Variants in GNB1L observed in about 807,000 individuals in gnomAD.
The protein encoded by GNB1L is G protein subunit beta 1 like.
Under a neutral mutation model 29.1 loss-of-function variants are expected in GNB1L, and 20 were observed. The observed-to-expected ratio is 0.69, with a 90% CI of 0.48 to 1.00. The LOEUF is 1.00. Ranked by LOEUF, GNB1L falls within the 50% of genes least tolerant of loss-of-function variation. The pLI, the probability that GNB1L is intolerant of heterozygous loss-of-function variation, is 0.00. For missense variants in GNB1L, 421 were observed against 464.9 expected, an observed-to-expected ratio of 0.91 and a Z score of 0.87; for synonymous variants, 193 against 206.5, an observed-to-expected ratio of 0.93 and a Z score of 0.56.
At position 19,847,865 on chromosome 22, in the gene GNB1L, A is replaced by G. The variant is rs527756180; in HGVS notation, c.-21+6578T>C. ...CCTCTAGTACTTTCATAATTGTAAC[A>G]TTGAAATCTTTAATCTGGAATATGT... On this transcript the variant is annotated intron_variant, in intron 2 of 7. Transcript: ENST00000329517. 75 of 963,444 alleles carry G rather than the reference A, an allele frequency of 7.8e-5. No individual in the cohort carries two copies. In the African/African-American group the frequency reaches 1.1e-3, roughly 14 times the overall value. 59.7% of individuals were successfully genotyped at this position (963,444 alleles called of 1,614,324 possible).
rs190672242 is a variant in GNB1L at position 19,799,394 on chromosome 22, T to C, written c.732+2607A>G. 2.7e-3 allele frequency among the ~76,000 whole-genome samples: 414 copies of C among 152,258 alleles called. 3 individuals are homozygous for C. The highest frequency in any genetic ancestry group is 9.6e-3 in the African/African-American group (401 of 41,562). On this transcript the variant is annotated intron_variant, in intron 7 of 7. Transcript: ENST00000329517. ...CACTTGACCCCGAGGCACCCTCAGG[T>C]GGTATCCTGATGTGGGCAGCCTCCT...
chr22:19,807,668 C>G (rs3788301), intron 5 of GNB1L, among the ~76,000 whole-genome samples: 65,987 of 152,150 alleles, frequency 0.43, 15,259 homozygotes, highest in East Asian at 0.57. Context: ...GCATCACCCA[C>G]TTTACACACA....
At chr22:19,845,926 A>C (rs2145900723) in intron 2 of GNB1L, among the ~76,000 whole-genome samples, 1 of 152,362 alleles carries the variant, frequency 6.6e-6, no homozygotes, top group Middle Eastern at 3.4e-3. Flanking sequence ...TGACATAAGC[A>C]AGACTTAAAA....
chr22:19,852,861 A>G lies in GNB1L; in HGVS notation c.-21+1582T>C, dbSNP rs141115437. Among the ~76,000 whole-genome samples, 501 of 152,248 alleles carry G rather than the reference A, an allele frequency of 3.3e-3. 2 individuals carry two copies. The highest frequency in any genetic ancestry group is 0.011 in the African/African-American group (468 of 41,520). On this transcript the variant is annotated intron_variant, in intron 2 of 7. Transcript: ENST00000329517. ...GGTGAAGTAACTTGTCTGCAGCCAC[A>G]CACTAACCCATAAGTGGTGGAAGCA...
intron 2 of GNB1L, chr22:19,846,788 G>A (rs938195395): frequency 2.7e-5 from 12 of 446,400 alleles, no homozygotes; most frequent in Non-Finnish European, 3.3e-5. Context: ...GCCAAGGAGC[G>A]AGGCCTCAGG....
At chr22:19,830,695 T>C (rs2145889146) in intron 2 of GNB1L, among the ~76,000 whole-genome samples, 1 of 152,320 alleles carries the variant, frequency 6.6e-6, no homozygotes, top group African/African-American at 2.4e-5. Flanking sequence ...AAGTTGATAT[T>C]AACACTCACT....
intron 2 of GNB1L, chr22:19,849,517 C>T (rs1056075882): frequency 3.5e-6 from 1 of 281,716 alleles, no homozygotes; most frequent in African/African-American, 2.3e-5. Flanking sequence ...TACAGGCATG[C>T]ACCACCACAC....
At chr22:19,848,909 T>C (rs1258331711) in intron 2 of GNB1L, 22 of 985,202 alleles carry the variant, frequency 2.2e-5, no homozygotes, top group Non-Finnish European at 2.7e-5. Flanking sequence ...GTCAGCTGGG[T>C]GACTAGGCTG....
chr22:19,827,944 A>T (rs1937632278), intron 2 of GNB1L, among the ~76,000 whole-genome samples: 1 of 152,266 alleles, frequency 6.6e-6, no homozygotes, highest in South Asian at 2.1e-4. Context: ...AACTGCAGAA[A>T]GGAACACATT....
At chr22:19,841,550 G>A (rs896247735) in intron 2 of GNB1L, among the ~76,000 whole-genome samples, 5 of 152,180 alleles carry the variant, frequency 3.3e-5, no homozygotes, top group South Asian at 2.1e-4. Context: ...AGCAGGAGGA[G>A]AGGATCACTT....
At chr22:19,823,678 G>A (rs1201250829) in intron 2 of GNB1L, among the ~76,000 whole-genome samples, 3 of 152,104 alleles carry the variant, frequency 2.0e-5, no homozygotes, top group Admixed American at 6.5e-5. Context: ...GTCCAGGCAC[G>A]AACACACATT....
chr22:19,827,178 G>T (rs1937626089), intron 2 of GNB1L, among the ~76,000 whole-genome samples: 1 of 152,166 alleles, frequency 6.6e-6, no homozygotes. Flanking sequence ...TTATGTAGAA[G>T]AATGTCTTTA....
rs763858581 is a variant in GNB1L at position 19,821,291 on chromosome 22, G to A, written c.65C>T (p.Pro22Leu). The A allele has an allele frequency of 2.4e-5, 38 of 1,612,898 alleles. No homozygotes were observed. The highest frequency in any genetic ancestry group is 3.3e-4 in the Middle Eastern group (2 of 6,076). The change falls in exon 3 of 8, where the codon CCG becomes CTG. Residue 22 changes from proline (P) to leucine (L), a missense_variant. Coordinates refer to ENST00000329517, the MANE Select transcript of GNB1L (RefSeq NM_053004.3). ...PQFVLRGTQS[P>L]VHALHFCEGA... ...TTCGCAGAAGTGCAGCGCATGCACC[G>A]GTGACTGGGTGCCTCGGAGGACAAA...
chr22:19,793,643 C>T (rs1256608300), intron 7 of GNB1L, among the ~76,000 whole-genome samples: 2 of 152,076 alleles, frequency 1.3e-5, no homozygotes, highest in East Asian at 3.8e-4. Flanking sequence ...CTGAAAACCA[C>T]AGATAAAAAA....
intron 5 of GNB1L, among the ~76,000 whole-genome samples, chr22:19,810,227 G>A (rs1198620880): frequency 6.6e-6 from 1 of 152,194 alleles, no homozygotes; most frequent in African/African-American, 2.4e-5. Flanking sequence ...CTGCGGAGGA[G>A]GCAGGCACTG....
chr22:19,845,021 CTT>C (rs772718465), intron 2 of GNB1L, among the ~76,000 whole-genome samples: 1 of 152,202 alleles, frequency 6.6e-6, no homozygotes, highest in Non-Finnish European at 1.5e-5. Context: ...GCCCTGGAAA[CTT>C]GGTCGGAGCT....
chr22:19,804,317 T>C (rs1226845884), intron 6 of GNB1L, among the ~76,000 whole-genome samples: 1 of 152,112 alleles, frequency 6.6e-6, no homozygotes, highest in East Asian at 1.9e-4. Context: ...ACCCCTCCCA[T>C]TGACTGGCAC....
In GNB1L at chr22:19,788,983, T is replaced by G. The variant is rs1057479375; in HGVS notation, c.733-23A>C. 1.9e-6 allele frequency: 3 copies of G among 1,580,478 alleles called. No homozygotes were observed. In the African/African-American group the frequency reaches 4.0e-5, roughly 21 times the overall value. On this transcript the variant is annotated intron_variant, in intron 7 of 7. Coordinates refer to ENST00000329517, the MANE Select transcript of GNB1L (RefSeq NM_053004.3). ...CACCTGTGAGAGTTGGGAGAGGTGT[T>G]AGGCCACTCCTTAAGCCCACAAGGC...
At chr22:19,819,799 G>A (rs1447619411) in intron 4 of GNB1L, among the ~76,000 whole-genome samples, 2 of 152,140 alleles carry the variant, frequency 1.3e-5, no homozygotes, top group African/African-American at 4.8e-5. Flanking sequence ...GACTGCAGGG[G>A]TAGAAACCAC....
Sources: gnomAD v4.1 joint callset for allele counts (sites outside exome capture counted in the v4.1 genomes callset) on GRCh38, gnomAD v4.1.1 for gene constraint, MANE v1.5 for transcripts, NCBI Gene and HGNC (gene_info 2026-07-23, HGNC 2026-07-21) for gene names.